Variants in ETF1 observed in about 807,000 individuals in gnomAD.
The protein encoded by ETF1 is eukaryotic translation termination factor 1.
Under a neutral mutation model 55.1 loss-of-function variants are expected in ETF1, and 4 were observed. The observed-to-expected ratio is 0.07, with a 90% CI of 0.04 to 0.17. The LOEUF is 0.17. Among genes scored for constraint, ETF1 ranks in the 10% least tolerant of loss-of-function variants. The pLI is 1.00. For missense variants in ETF1, 142 were observed against 523.6 expected (o/e 0.27, Z 7.11); for synonymous variants, 157 against 182.3 (o/e 0.86, Z 1.12).
At chr5:138,518,574 G>C (rs1765114662) in intron 3 of ETF1, 118 bp downstream of exon 3, 1 of 845,488 alleles carries the variant, frequency 1.2e-6, no homozygotes, top group East Asian at 2.6e-5. Context: ...CAAGGCCAAA[G>C]AGACACTGAT....
intron 9 of ETF1, 79 bp downstream of exon 9, chr5:138,510,486 T>C: frequency 4.1e-6 from 4 of 968,116 alleles, no homozygotes; most frequent in Non-Finnish European, 6.2e-6. Flanking sequence ...TTCCCAAAGC[T>C]CACCCTCTAC....
chr5:138,529,254 G>T (rs1183258389), intron 2 of ETF1, among the ~76,000 whole-genome samples: 1 of 152,108 alleles, frequency 6.6e-6, no homozygotes, highest in African/African-American at 2.4e-5. Flanking sequence ...CCTCACTCCT[G>T]CAAGTCAATC....
At position 138,507,572 on chromosome 5, in the gene ETF1, C is replaced by T. The variant is rs779848086; in HGVS notation, c.*733G>A. The T allele has an allele frequency of 1.3e-5, 2 of 152,654 alleles. No individual in the cohort carries two copies. The highest frequency in any genetic ancestry group is 6.5e-5 in the Admixed American group (1 of 15,276). The allele number at this position is 152,654 out of a possible 1,614,324, so 9.5% of individuals were successfully genotyped here. A position where few individuals can be genotyped will look rare whatever the true frequency, so the allele number is the denominator to read the frequency against. On this transcript the variant is annotated 3_prime_UTR_variant, in exon 11 of 11. Transcript: ENST00000360541. ...CTTGTCAGAACATTGATACAAAGGGCTCCCAAACGCCGGGCACAAATGTGT... is the reference window on the plus strand; with the variant it reads ...CTTGTCAGAACATTGATACAAAGGGTTCCCAAACGCCGGGCACAAATGTGT...
At position 138,527,484 on chromosome 5, in the gene ETF1, C is replaced by A. The variant is rs189669619; in HGVS notation, c.87-8617G>T. Among the ~76,000 whole-genome samples, 861 of 152,310 alleles carry A rather than the reference C, an allele frequency of 5.7e-3. 8 individuals are homozygous for A. Among genetic ancestry groups the A allele is most frequent in the African/African-American group, 0.019 (803 of 41,568 alleles). On this transcript the variant is annotated intron_variant, in intron 2 of 10. Coordinates refer to ENST00000360541, the MANE Select transcript of ETF1 (RefSeq NM_004730.4). ...CTTCTAAACTGTAATTTCCAAAAAA[C>A]CTTTTTGATAATTCCTTCTGGAGTT...
chr5:138,541,390 C>A, intron 2 of ETF1: 2 of 639,264 alleles, frequency 3.1e-6, no homozygotes, highest in Non-Finnish European at 2.7e-6. Flanking sequence ...TCATATTAAA[C>A]TAACGTTTCT....
At chr5:138,520,574 T>C (rs958730581) in intron 2 of ETF1, among the ~76,000 whole-genome samples, 4 of 152,140 alleles carry the variant, frequency 2.6e-5, no homozygotes, top group African/African-American at 9.7e-5. Context: ...TCCCAGCACT[T>C]TGGGAGGCTA....
intron 10 of ETF1, 38 bp from the exon 11 acceptor site, chr5:138,508,425 A>G (rs771721956): frequency 2.5e-6 from 4 of 1,611,298 alleles, no homozygotes; most frequent in Admixed American, 1.7e-5. Flanking sequence ...ACCTGTGTTC[A>G]TGGGATGGGC....
Position 138,525,902 on chromosome 5 carries a change from C to T in ETF1, c.87-7035G>A, listed in dbSNP as rs1047345703. Among the ~76,000 whole-genome samples the T allele has an allele frequency of 1.2e-4, 17 of 147,260 alleles. No homozygotes were observed. The East Asian group carries it at 1.6e-3, about 14-fold the overall frequency. The stretch of plus-strand genomic sequence containing the variant: ...CAGAGGTTGCAGTGAGCAGAGATCA[C>T]GCCACTCACTTCAGTCTGGGCAACA... On this transcript the variant is annotated intron_variant, in intron 2 of 10. Transcript: ENST00000360541.
intron 4 of ETF1, 177 bp from the exon 5 acceptor site, chr5:138,513,883 C>T: frequency 3.7e-6 from 3 of 806,112 alleles, no homozygotes; most frequent in Non-Finnish European, 4.5e-6. Context: ...CTCTTATGGA[C>T]AAATTTGAAC....
chr5:138,536,332 C>T (rs910211256), intron 2 of ETF1, among the ~76,000 whole-genome samples: 9 of 152,196 alleles, frequency 5.9e-5, no homozygotes, highest in African/African-American at 1.9e-4. Context: ...AGTTGCCAGG[C>T]ACCTGAAAAT....
At chr5:138,510,955 T>C (rs1719960473) in intron 8 of ETF1, 90 bp downstream of exon 8, 1 of 1,544,288 alleles carries the variant, frequency 6.5e-7, no homozygotes, top group Non-Finnish European at 8.7e-7. Flanking sequence ...ACCTTCTGAT[T>C]GCTCCTGAAA....
At chr5:138,533,969 TTTAG>T (rs1765810633) in intron 2 of ETF1, among the ~76,000 whole-genome samples, 1 of 152,128 alleles carries the variant, frequency 6.6e-6, no homozygotes, top group African/African-American at 2.4e-5. Context: ...TTATAAAAGG[TTTAG>T]TTAGACTATC....
chr5:138,516,514 C>T (rs1361796810), intron 4 of ETF1, among the ~76,000 whole-genome samples: 1 of 152,168 alleles, frequency 6.6e-6, no homozygotes, highest in East Asian at 1.9e-4. Context: ...GTGGTGCACA[C>T]CTGTAATCCC....
intron 2 of ETF1, chr5:138,541,776 G>C (rs1766187576): frequency 6.2e-5 from 12 of 192,522 alleles, no homozygotes; most frequent in Non-Finnish European, 9.6e-5. Flanking sequence ...GGGGGGGGGG[G>C]CACTTCCTGT....
At chr5:138,525,307 G>A (rs1462182557) in intron 2 of ETF1, among the ~76,000 whole-genome samples, 6 of 151,846 alleles carry the variant, frequency 4.0e-5, no homozygotes, top group Admixed American at 2.0e-4. Context: ...ACAGGCGTGC[G>A]CCACCACGCC....
At chr5:138,537,862 G>C (rs763488923) in intron 2 of ETF1, among the ~76,000 whole-genome samples, 20 of 150,314 alleles carry the variant, frequency 1.3e-4, no homozygotes, top group Non-Finnish European at 2.5e-4. Flanking sequence ...TTACAGGCGT[G>C]AGCCACCGCA....
rs546380891 is a variant in ETF1, at chr5:138,542,592, G to C, written c.86+241C>G. 102 of 1,390,062 alleles carry C rather than the reference G, an allele frequency of 7.3e-5. No individual in the cohort carries two copies. The South Asian group carries it at 1.6e-3, about 21-fold the overall frequency. The allele number at this position is 1,390,062 out of a possible 1,614,324, so 86.1% of individuals were successfully genotyped here. ...CAAAAGTAGCGGTGGCCTACCACGA[G>C]GGGGGCCGAGTGATCTAAACCGGGG... On this transcript the variant is annotated intron_variant, in intron 2 of 10. Coordinates refer to ENST00000360541, the MANE Select transcript of ETF1 (RefSeq NM_004730.4).
At chr5:138,529,661 C>T (rs1358105711) in intron 2 of ETF1, 2 of 984,750 alleles carry the variant, frequency 2.0e-6, no homozygotes, top group Non-Finnish European at 2.4e-6. Context: ...ATCAATGCTT[C>T]GCCCAGAGGG....
At chr5:138,510,227 G>A (rs897168472) in intron 9 of ETF1, among the ~76,000 whole-genome samples, 2 of 151,374 alleles carry the variant, frequency 1.3e-5, no homozygotes, top group African/African-American at 4.9e-5. Context: ...GCGTGGTGGT[G>A]TATGCCTGTA....
Sources: gnomAD v4.1 joint callset for allele counts (sites outside exome capture counted in the v4.1 genomes callset) on GRCh38, gnomAD v4.1.1 for gene constraint, MANE v1.5 for transcripts, NCBI Gene and HGNC (gene_info 2026-07-23, HGNC 2026-07-21) for gene names.